TDRD10: variants seen among roughly 807,000 people sequenced by gnomAD.
TDRD10 encodes the protein tudor domain containing 10, also known as tudor domain-containing protein 10.
In TDRD10, 40 loss-of-function variants were observed where a neutral mutation model predicts 48.0. That is an observed-to-expected ratio of 0.83 (90% CI 0.65 to 1.09). TDRD10 has a LOEUF of 1.09. Ranked by LOEUF, TDRD10 falls within the 50% of genes least tolerant of loss-of-function variation. The pLI is 0.00. For synonymous variants in TDRD10, 162 were observed against 170.4 expected (o/e 0.95, Z 0.38); for missense variants, 378 against 434.7 (o/e 0.87, Z 1.16).
intron 6 of TDRD10, among the ~76,000 whole-genome samples, chr1:154,527,950 C>T (rs1188640316): frequency 2.0e-5 from 3 of 152,140 alleles, no homozygotes; most frequent in Non-Finnish European, 4.4e-5. Context: ...CAGTTTCTCC[C>T]CAGTGGTAAC....
At chr1:154,507,684 A>G (rs1693223912) in intron 3 of TDRD10, among the ~76,000 whole-genome samples, 1 of 152,172 alleles carries the variant, frequency 6.6e-6, no homozygotes, top group African/African-American at 2.4e-5. Context: ...AGCCAGTGGA[A>G]TAAACTGTGA....
At chr1:154,506,404 C>G (rs548775322) in intron 1 of TDRD10, among the ~76,000 whole-genome samples, 10 of 141,156 alleles carry the variant, frequency 7.1e-5, no homozygotes, top group African/African-American at 2.6e-4. Flanking sequence ...GAGATGTTGT[C>G]TCACTCTGTC....
chr1:154,530,661 T>G (rs1220062599), intron 6 of TDRD10, among the ~76,000 whole-genome samples: 1 of 152,084 alleles, frequency 6.6e-6, no homozygotes, highest in Non-Finnish European at 1.5e-5. Flanking sequence ...TGATATGTCT[T>G]GGCATTTCTT....
At chr1:154,522,003 C>T (rs1694085110) in intron 6 of TDRD10, among the ~76,000 whole-genome samples, 2 of 152,130 alleles carry the variant, frequency 1.3e-5, no homozygotes, top group Admixed American at 6.5e-5. Flanking sequence ...GGAGGAGGGC[C>T]CATTCTCCGT....
At chr1:154,544,132 C>CGCAGGAAGG in intron 9 of TDRD10, 22 bp downstream of exon 9, 1 of 1,613,994 alleles carries the variant, frequency 6.2e-7, no homozygotes. Flanking sequence ...TTGTTGGCCC[C>CGCAGGAAGG]CTCAGGCTCC....
rs902631820 is a variant in TDRD10, at chr1:154,510,784, C to T, written c.141+2303C>T. 8.6e-5 allele frequency among the ~76,000 whole-genome samples: 13 copies of T among 151,266 alleles called. No individual in the cohort carries two copies. The East Asian group carries it at 1.4e-3, about 16-fold the overall frequency. ...TTTTCAGGCCAGGCGCGGTGGCTCA[C>T]GCCTGTAATTCCAGCGCTTTGGGAG... On this transcript the variant is annotated intron_variant, in intron 4 of 12. Transcript: ENST00000368482.
chr1:154,539,030 G>A (rs1309620103), intron 6 of TDRD10, among the ~76,000 whole-genome samples: 3 of 152,128 alleles, frequency 2.0e-5, no homozygotes, highest in Non-Finnish European at 4.4e-5. Context: ...TAACTCTCCT[G>A]TTCTGCAGAT....
rs1695245492 is a variant in TDRD10, at chr1:154,541,767, T to C, written c.370-257T>C. The stretch of plus-strand genomic sequence containing the variant: ...TGCTGGGCAGCTCATTCTGTGACTG[T>C]AGCTCCAGATGAGTGCTCCCTGGCA... On this transcript the variant is annotated intron_variant, in intron 6 of 12. Coordinates refer to ENST00000368482, the MANE Select transcript of TDRD10 (RefSeq NM_182499.4). 6 of 423,122 alleles carry C rather than the reference T, an allele frequency of 1.4e-5. No individual in the cohort carries two copies. In the South Asian group the frequency reaches 2.6e-4, roughly 18 times the overall value. 26.2% of individuals were successfully genotyped at this position (423,122 alleles called of 1,614,324 possible). A position where few individuals can be genotyped will look rare whatever the true frequency, so the allele number is the denominator to read the frequency against.
At chr1:154,542,905 A>C in intron 8 of TDRD10, 84 bp downstream of exon 8, 1 of 1,166,474 alleles carries the variant, frequency 8.6e-7, no homozygotes, top group Non-Finnish European at 1.2e-6. Context: ...CAAGGATAGT[A>C]CTGGGGTGGG....
At chr1:154,528,933 C>T (rs1694459024) in intron 6 of TDRD10, among the ~76,000 whole-genome samples, 1 of 152,166 alleles carries the variant, frequency 6.6e-6, no homozygotes, top group Non-Finnish European at 1.5e-5. Context: ...ACATTATATA[C>T]ACATAACTTA....
intron 4 of TDRD10, among the ~76,000 whole-genome samples, chr1:154,517,023 G>A (rs1243712512): frequency 1.3e-5 from 2 of 152,210 alleles, no homozygotes; most frequent in Non-Finnish European, 2.9e-5. Flanking sequence ...AGAGTCAGGA[G>A]TTTGCAGGAG....
In TDRD10 at chr1:154,544,042, G is replaced by C. The variant is rs957045494; in HGVS notation, c.583G>C (p.Glu195Gln). ...GGCACTCATCCATAGCGTCCGTGGG[G>C]AGGCGGGGCTGCTGGTGACGAGTAT... ...WLALIHSVRG[E>Q]AGLLVTSIVP... Residue 195 changes from glutamate to glutamine, a missense_variant, in exon 9 of 13, where the codon GAG (glutamate) becomes CAG (glutamine). Coordinates refer to ENST00000368482, the MANE Select transcript of TDRD10 (RefSeq NM_182499.4). The C allele has an allele frequency of 1.2e-6, 2 of 1,614,214 alleles. No individual in the cohort carries two copies. Among genetic ancestry groups the C allele is most frequent in the Non-Finnish European group, 1.7e-6 (2 of 1,180,040 alleles).
chr1:154,538,376 C>T (rs73023339), intron 6 of TDRD10, among the ~76,000 whole-genome samples: 28,747 of 150,236 alleles, frequency 0.19, 2,973 homozygotes, highest in South Asian at 0.23. Flanking sequence ...AGGGGAAACC[C>T]GGTCTCTACT....
intron 4 of TDRD10, 150 bp downstream of exon 4, chr1:154,508,631 T>C (rs1041315923): frequency 3.5e-5 from 23 of 649,458 alleles, no homozygotes; most frequent in African/African-American, 3.1e-4. Context: ...GGGTAACCAA[T>C]GCATCACAGT....
chr1:154,525,677 T>C (rs75631461), intron 6 of TDRD10, among the ~76,000 whole-genome samples: 2,305 of 152,218 alleles, frequency 0.015, 26 homozygotes, highest in Middle Eastern at 0.095. Context: ...GCAGATAATC[T>C]GAGGTCAGGA....
chr1:154,531,116 C>G (rs1570951297), intron 6 of TDRD10, among the ~76,000 whole-genome samples: 2 of 152,136 alleles, frequency 1.3e-5, no homozygotes, highest in African/African-American at 4.8e-5. Flanking sequence ...GCTAGGATTA[C>G]AGGTGTGAGC....
chr1:154,512,795 C>G (rs1460598594), intron 4 of TDRD10, among the ~76,000 whole-genome samples: 1 of 152,118 alleles, frequency 6.6e-6, no homozygotes, highest in Non-Finnish European at 1.5e-5. Context: ...ATGGCTGATT[C>G]CAGATCTGGA....
intron 1 of TDRD10, among the ~76,000 whole-genome samples, chr1:154,505,454 A>G (rs1484708099): frequency 6.6e-6 from 1 of 152,232 alleles, no homozygotes; most frequent in African/African-American, 2.4e-5. Context: ...ATTTTTATCC[A>G]TCCATACCTG....
At chr1:154,545,105 G>T (rs1175109085) in intron 11 of TDRD10, among the ~76,000 whole-genome samples, 156 bp downstream of exon 11, 1 of 152,148 alleles carries the variant, frequency 6.6e-6, no homozygotes, top group East Asian at 1.9e-4. Flanking sequence ...CCCCTGCAAA[G>T]CTGCCTCTCA....
Sources: gnomAD v4.1 joint callset for allele counts (sites outside exome capture counted in the v4.1 genomes callset) on GRCh38, gnomAD v4.1.1 for gene constraint, MANE v1.5 for transcripts, NCBI Gene and HGNC (gene_info 2026-07-23, HGNC 2026-07-21) for gene names.